The following DLG1 variants were observed in gnomAD, a reference collection of about 807,000 sequenced individuals.
DLG1 encodes discs large MAGUK scaffold protein 1.
Under a neutral mutation model 123.4 loss-of-function variants are expected in DLG1, and 42 were observed. That is an observed-to-expected ratio of 0.34 (90% CI 0.27 to 0.44). The LOEUF is 0.44. Among genes scored for constraint, DLG1 ranks in the 20% least tolerant of loss-of-function variants. The pLI is 1.00. For synonymous variants in DLG1, 317 were observed against 356.2 expected, an observed-to-expected ratio of 0.89 and a Z score of 1.24; for missense variants, 942 against 1,082.6, an observed-to-expected ratio of 0.87 and a Z score of 1.82.
chr3:197,116,094 A>AAAAAAATTGAGT lies in DLG1; in HGVS notation c.1287-23_1287-12dup. 1 of 1,588,016 alleles carries AAAAAAATTGAGT rather than the reference A, an allele frequency of 6.3e-7. No individual in the cohort carries two copies. The highest frequency in any genetic ancestry group is 8.5e-7 in the Non-Finnish European group (1 of 1,172,378). On this transcript the variant is annotated splice_polypyrimidine_tract_variant and intron_variant, in intron 12 of 24. Transcript: ENST00000667157. ...ACTTTTCTAGGTTCCCTAAAAATTAAAAAAAATTGAGTATCTTGGAAATTT... is the reference window on the plus strand; with the variant it reads ...ACTTTTCTAGGTTCCCTAAAAATTAAAAAAAATTGAGTAAAAAATTGAGTATCTTGGAAATTT...
At chr3:197,239,217 A>G (rs1219851538) in intron 4 of DLG1, among the ~76,000 whole-genome samples, 1 of 152,154 alleles carries the variant, frequency 6.6e-6, no homozygotes, top group Non-Finnish European at 1.5e-5. Context: ...AACAAACTAG[A>G]TAACCTAAAT....
chr3:197,123,589 T>C (rs374672385), intron 11 of DLG1, among the ~76,000 whole-genome samples: 2 of 152,188 alleles, frequency 1.3e-5, no homozygotes, highest in East Asian at 1.9e-4. Flanking sequence ...ATACTATTCA[T>C]AATTAAAAAG....
At chr3:197,273,906 A>G (rs1765149941) in intron 4 of DLG1, among the ~76,000 whole-genome samples, 1 of 151,440 alleles carries the variant, frequency 6.6e-6, no homozygotes, top group Admixed American at 6.6e-5. Context: ...AAGTAGTAAA[A>G]GATCTCAACA....
intron 14 of DLG1, among the ~76,000 whole-genome samples, chr3:197,095,905 C>G (rs1052768129): frequency 6.6e-6 from 1 of 152,284 alleles, no homozygotes; most frequent in South Asian, 2.1e-4. Flanking sequence ...TGACATGTCT[C>G]CAACATTCCT....
At chr3:197,295,961 A>G (rs987491354) in intron 3 of DLG1, among the ~76,000 whole-genome samples, 1 of 152,228 alleles carries the variant, frequency 6.6e-6, no homozygotes, top group Non-Finnish European at 1.5e-5. Context: ...CATTAAGGGA[A>G]TGAATGTTCT....
At chr3:197,231,433 G>T (rs1239527693) in intron 4 of DLG1, among the ~76,000 whole-genome samples, 1 of 152,168 alleles carries the variant, frequency 6.6e-6, no homozygotes, top group Non-Finnish European at 1.5e-5. Flanking sequence ...GCCAGGTGTG[G>T]TCTTACACCT....
At chr3:197,297,839 G>A (rs575973191) in intron 1 of DLG1, 3 of 985,168 alleles carry the variant, frequency 3.0e-6, no homozygotes, top group Admixed American at 6.2e-5. Flanking sequence ...ACTGGGGTGC[G>A]CCCCGGCCAG....
intron 5 of DLG1, among the ~76,000 whole-genome samples, chr3:197,190,212 G>A (rs796190788): frequency 1.9e-4 from 29 of 152,194 alleles, no homozygotes; most frequent in African/African-American, 5.5e-4. Context: ...ACTCTAGAAG[G>A]AGGATTCGAC....
At chr3:197,190,729 G>A (rs1718876443) in intron 5 of DLG1, among the ~76,000 whole-genome samples, 7 of 152,170 alleles carry the variant, frequency 4.6e-5, no homozygotes, top group Admixed American at 2.6e-4. Context: ...GGGTTTTGTC[G>A]GCCGGGCGCG....
intron 4 of DLG1, among the ~76,000 whole-genome samples, chr3:197,257,076 A>T (rs940290549): frequency 1.3e-5 from 2 of 152,190 alleles, no homozygotes; most frequent in African/African-American, 2.4e-5. Flanking sequence ...AACTTAAAAA[A>T]TTTGAAGTCT....
intron 5 of DLG1, among the ~76,000 whole-genome samples, chr3:197,164,630 G>T (rs752943816): frequency 6.6e-6 from 1 of 151,880 alleles, no homozygotes; most frequent in Non-Finnish European, 1.5e-5. Flanking sequence ...GGCTGGGCAT[G>T]GTGGCTCATG....
intron 4 of DLG1, among the ~76,000 whole-genome samples, chr3:197,195,692 C>A (rs1722111820): frequency 6.6e-6 from 1 of 151,944 alleles, no homozygotes; most frequent in African/African-American, 2.4e-5. Flanking sequence ...CACACATGAG[C>A]ACACAGATGG....
intron 15 of DLG1, among the ~76,000 whole-genome samples, chr3:197,088,945 T>G (rs1048335646): frequency 6.6e-6 from 1 of 152,176 alleles, no homozygotes; most frequent in African/African-American, 2.4e-5. Flanking sequence ...TTAACAGAGA[T>G]AGGCTATGTT....
chr3:197,285,039 A>G (rs1771167965), intron 3 of DLG1, among the ~76,000 whole-genome samples: 1 of 148,118 alleles, frequency 6.8e-6, no homozygotes, highest in Non-Finnish European at 1.5e-5. Flanking sequence ...AAAAAAAAAA[A>G]AAAAAAAACT....
At chr3:197,231,341 T>G (rs993143300) in intron 4 of DLG1, among the ~76,000 whole-genome samples, 1 of 152,234 alleles carries the variant, frequency 6.6e-6, no homozygotes, top group Non-Finnish European at 1.5e-5. Context: ...TGGACATTTC[T>G]GTTATAAGTA....
chr3:197,111,609 C>T (rs1313558088), intron 13 of DLG1, among the ~76,000 whole-genome samples: 1 of 152,118 alleles, frequency 6.6e-6, no homozygotes, highest in Non-Finnish European at 1.5e-5. Flanking sequence ...AAGGATTTTG[C>T]TAACCATAAA....
intron 5 of DLG1, among the ~76,000 whole-genome samples, chr3:197,190,845 CT>C (rs1421060381): frequency 4.6e-5 from 7 of 152,284 alleles, no homozygotes; most frequent in African/African-American, 1.7e-4. Flanking sequence ...CCCGTCTCTA[CT>C]AAAAATACAA....
At chr3:197,210,245 TAA>T (rs200692787) in intron 4 of DLG1, among the ~76,000 whole-genome samples, 1 of 105,802 alleles carries the variant, frequency 9.5e-6, no homozygotes, top group Non-Finnish European at 2.1e-5. Context: ...TGAGAAGCTA[TAA>T]AAAAAAAAAA....
At chr3:197,194,791 T>C (rs1274078613) in intron 4 of DLG1, among the ~76,000 whole-genome samples, 1 of 152,124 alleles carries the variant, frequency 6.6e-6, no homozygotes, top group Non-Finnish European at 1.5e-5. Context: ...ACATTAGAAA[T>C]AATTCAAAGC....
Sources: allele counts gnomAD v4.1 joint callset (sites outside exome capture counted in the v4.1 genomes callset), GRCh38; gene constraint gnomAD v4.1.1; transcripts MANE v1.5; gene names NCBI Gene and HGNC (gene_info 2026-07-23, HGNC 2026-07-21).